ITGA8: variants seen among roughly 807,000 people sequenced by gnomAD.
ITGA8 encodes the protein integrin subunit alpha 8, also known as integrin alpha-8.
Under a neutral mutation model 142.3 loss-of-function variants are expected in ITGA8, and 91 were observed. That is an observed-to-expected ratio of 0.64 (90% CI 0.54 to 0.76). ITGA8 has a LOEUF of 0.76. ITGA8 is among the 30% of genes least tolerant of loss of function. The pLI is 0.00. For synonymous variants in ITGA8, 505 were observed against 485.2 expected, an observed-to-expected ratio of 1.04 and a Z score of -0.54; for missense variants, 1,406 against 1,327.7, an observed-to-expected ratio of 1.06 and a Z score of -0.92.
At chr10:15,673,326 G>A (rs1160768323) in intron 6 of ITGA8, among the ~76,000 whole-genome samples, 1 of 152,052 alleles carries the variant, frequency 6.6e-6, no homozygotes, top group Non-Finnish European at 1.5e-5. Flanking sequence ...TTCGTGATCT[G>A]CTTGCCTCGG....
chr10:15,694,255 C>CATATCATACATCAGATA (rs1564412290), intron 2 of ITGA8, among the ~76,000 whole-genome samples: 3 of 127,142 alleles, frequency 2.4e-5, no homozygotes, highest in East Asian at 2.2e-4. Context: ...TATATGATAA[C>CATATCATACATCAGATA]ATATACATCA....
At chr10:15,626,880 G>A (rs938014403) in intron 13 of ITGA8, among the ~76,000 whole-genome samples, 1 of 152,286 alleles carries the variant, frequency 6.6e-6, no homozygotes, top group South Asian at 2.1e-4. Flanking sequence ...TAGAGAACTG[G>A]TAGGAAATGT....
intron 15 of ITGA8, among the ~76,000 whole-genome samples, chr10:15,610,239 G>C (rs952659108): frequency 1.3e-5 from 2 of 152,114 alleles, no homozygotes; most frequent in Admixed American, 1.3e-4. Context: ...ATGATCTAAA[G>C]AAAATTTCAA....
At chr10:15,549,259 G>T (rs1389562312) in intron 26 of ITGA8, among the ~76,000 whole-genome samples, 1 of 121,454 alleles carries the variant, frequency 8.2e-6, no homozygotes, top group Non-Finnish European at 1.6e-5. Flanking sequence ...TGCCCAGGCT[G>T]GAGTGCAATG....
At chr10:15,547,765 A>G (rs1386053694) in intron 27 of ITGA8, among the ~76,000 whole-genome samples, 1 of 152,042 alleles carries the variant, frequency 6.6e-6, no homozygotes, top group Non-Finnish European at 1.5e-5. Flanking sequence ...TTCTAGAACA[A>G]TCTCCCCTTT....
intron 8 of ITGA8, among the ~76,000 whole-genome samples, chr10:15,662,326 CTTTTTTTTTTTT>C (rs200922550): frequency 1.7e-3 from 123 of 72,716 alleles, no homozygotes; most frequent in African/African-American, 3.6e-3. Flanking sequence ...TCAGAAGGTC[CTTTTTTTTTTTT>C]TTTTTTTTTT....
In ITGA8 at chr10:15,586,581, T is replaced by C; in HGVS notation, c.2372+3A>G. ...ATTGTACTATGCATTGCTTACTACT[T>C]ACCCTCTTATTTCCACCTGCGCTAC... On this transcript the variant is annotated splice_donor_region_variant and intron_variant, in intron 23 of 29. Coordinates refer to ENST00000378076, the MANE Select transcript of ITGA8 (RefSeq NM_003638.3). The C allele has an allele frequency of 6.3e-7, 1 of 1,582,046 alleles. No homozygotes were observed. Among genetic ancestry groups the C allele is most frequent in the South Asian group, 1.1e-5 (1 of 90,328 alleles).
chr10:15,531,143 AT>A lies in ITGA8; in HGVS notation c.2888del (p.Asn963MetfsTer31). On this transcript the variant is annotated frameshift_variant, in exon 28 of 30. Coordinates refer to ENST00000378076, the MANE Select transcript of ITGA8 (RefSeq NM_003638.3). LOFTEE classifies it high-confidence loss of function. ...CCAGGGATGCAAGAGCATAGGGATC[AT>A]TTTTTCTCTGAAAGTAAAAGTATTT... Reference protein sequence around the residue: ...LWAHTFLQRKNDPYALASLVS... With the variant: ...LWAHTFLQRKXDPYALASLVS... 6.7e-7 allele frequency: 1 copy of A among 1,489,382 alleles called. No individual in the cohort carries two copies. The highest frequency in any genetic ancestry group is 9.0e-7 in the Non-Finnish European group (1 of 1,117,122). 92.3% of individuals were successfully genotyped at this position (1,489,382 alleles called of 1,614,324 possible).
chr10:15,520,424 CA>C (rs1833038707), intron 28 of ITGA8, among the ~76,000 whole-genome samples: 1 of 152,036 alleles, frequency 6.6e-6, no homozygotes, highest in Non-Finnish European at 1.5e-5. Context: ...TCCTTCCCGC[CA>C]AAAAACAAAA....
intron 25 of ITGA8, among the ~76,000 whole-genome samples, chr10:15,560,229 C>T (rs566186237): frequency 2.0e-5 from 3 of 152,094 alleles, no homozygotes; most frequent in South Asian, 4.2e-4. Flanking sequence ...CAGTGAGCTA[C>T]GATCATGCCA....
intron 22 of ITGA8, among the ~76,000 whole-genome samples, chr10:15,587,236 T>C (rs1050065668): frequency 2.0e-5 from 3 of 152,210 alleles, no homozygotes; most frequent in African/African-American, 7.2e-5. Context: ...TAACACTTTT[T>C]TAAATGGCTA....
At chr10:15,646,181 C>T (rs9333137) in intron 12 of ITGA8, among the ~76,000 whole-genome samples, 175 of 152,260 alleles carry the variant, frequency 1.1e-3, no homozygotes, top group African/African-American at 4.0e-3. Flanking sequence ...ATTGCTTGGA[C>T]GTCAGAGCAA....
intron 3 of ITGA8, among the ~76,000 whole-genome samples, chr10:15,684,601 G>A (rs1461358446): frequency 6.6e-6 from 1 of 152,026 alleles, no homozygotes; most frequent in African/African-American, 2.4e-5. Context: ...TCAATCTCCT[G>A]GGCTTAAGTG....
At chr10:15,713,173 A>G (rs1835391772) in intron 2 of ITGA8, among the ~76,000 whole-genome samples, 1 of 152,230 alleles carries the variant, frequency 6.6e-6, no homozygotes, top group African/African-American at 2.4e-5. Context: ...TTTAGGGATG[A>G]TGGTTGCCTC....
intron 13 of ITGA8, 104 bp from the exon 14 acceptor site, chr10:15,616,663 T>A: frequency 1.1e-6 from 1 of 881,116 alleles, no homozygotes; most frequent in Non-Finnish European, 1.9e-6. Flanking sequence ...ATGCTGATGG[T>A]ACGAGAGCCA....
intron 8 of ITGA8, among the ~76,000 whole-genome samples, chr10:15,670,422 G>A (rs1359037586): frequency 6.6e-6 from 1 of 152,212 alleles, no homozygotes; most frequent in Admixed American, 6.5e-5. Flanking sequence ...GGAATAGAGA[G>A]TGTGAAGTCA....
intron 27 of ITGA8, among the ~76,000 whole-genome samples, chr10:15,541,953 G>A (rs899538480): frequency 1.3e-5 from 2 of 152,032 alleles, no homozygotes; most frequent in Admixed American, 6.6e-5. Flanking sequence ...ATATCACCTC[G>A]TTTTGCTGTC....
intron 2 of ITGA8, among the ~76,000 whole-genome samples, chr10:15,711,766 T>G (rs1388995354): frequency 6.6e-6 from 1 of 152,168 alleles, no homozygotes; most frequent in East Asian, 1.9e-4. Flanking sequence ...ACCTTAATTT[T>G]ACCCCCCAAA....
chr10:15,612,191 C>T (rs1290380767), intron 15 of ITGA8, among the ~76,000 whole-genome samples: 2 of 152,122 alleles, frequency 1.3e-5, no homozygotes, highest in Non-Finnish European at 2.9e-5. Flanking sequence ...GAAGAGGATG[C>T]TCTCCCGCCA....
Sources: gnomAD v4.1 joint callset for allele counts (sites outside exome capture counted in the v4.1 genomes callset) on GRCh38, gnomAD v4.1.1 for gene constraint, MANE v1.5 for transcripts, NCBI Gene and HGNC (gene_info 2026-07-23, HGNC 2026-07-21) for gene names.